GABRA4: variants seen among roughly 807,000 people sequenced by gnomAD.
The protein encoded by GABRA4 is gamma-aminobutyric acid receptor subunit alpha-4.
Under a neutral mutation model 49.7 loss-of-function variants are expected in GABRA4, and 12 were observed. The ratio of observed to expected loss-of-function variants is 0.24; its 90% CI spans 0.15 to 0.39. GABRA4 has a LOEUF of 0.39. Ranked by LOEUF, GABRA4 falls within the 10% of genes least tolerant of loss-of-function variation. The pLI is 1.00. For synonymous variants in GABRA4, 288 were observed against 240.2 expected (o/e 1.20, Z -1.84); for missense variants, 506 against 686.0 (o/e 0.74, Z 2.93).
rs1560459205 is a variant in GABRA4, at chr4:46,927,121, A to C, written c.*1104T>G. 6.6e-6 allele frequency: 1 copy of C among 151,928 alleles called. No homozygotes were observed. Among genetic ancestry groups the C allele is most frequent in the African/African-American group, 2.4e-5 (1 of 41,404 alleles). 9.4% of individuals were successfully genotyped at this position (151,928 alleles called of 1,614,324 possible). On this transcript the variant is annotated 3_prime_UTR_variant, in exon 9 of 9. Coordinates refer to ENST00000264318, the MANE Select transcript of GABRA4 (RefSeq NM_000809.4). ...GATTCTGATCAAATTCTACTCTGTG[A>C]CTCTGATCAAATTTGCGACAGTTAA... is the stretch of plus-strand genomic sequence containing the variant.
At chr4:46,970,051 AC>A (rs1349226646) in intron 7 of GABRA4, among the ~76,000 whole-genome samples, 2 of 151,272 alleles carry the variant, frequency 1.3e-5, no homozygotes, top group South Asian at 2.1e-4. Flanking sequence ...TCTTAGAGAA[AC>A]CTAAGATTAA....
At chr4:46,992,127 A>G (rs1347374222) in intron 2 of GABRA4, among the ~76,000 whole-genome samples, 1 of 152,196 alleles carries the variant, frequency 6.6e-6, no homozygotes, top group African/African-American at 2.4e-5. Context: ...GATTTCCATT[A>G]TATATGCAAA....
rs562187973 is a variant in GABRA4 at position 46,941,493 on chromosome 4, T to TA, written c.1135-12739dup. Among the ~76,000 whole-genome samples, 45 of 152,238 alleles carry TA rather than the reference T, an allele frequency of 3.0e-4. No individual in the cohort carries two copies. The East Asian group carries it at 8.7e-3, about 29-fold the overall frequency. On this transcript the variant is annotated intron_variant, in intron 8 of 8. Transcript: ENST00000264318. ...CTTAACACATTGCTCTAGCATATAG[T>TA]AAATGATCAATATTTGTTAAATGTT...
Position 46,970,415 on chromosome 4 carries a change from A to T in GABRA4, c.874+668T>A, listed in dbSNP as rs1253071748. On this transcript the variant is annotated intron_variant, in intron 7 of 8. Transcript: ENST00000264318. ...ACTAAAATAAATATAATTATAACAA[A>T]TTATACTATTTAAAAGCATGACTGA... 2.0e-5 allele frequency among the ~76,000 whole-genome samples: 3 copies of T among 151,512 alleles called. No individual in the cohort carries two copies. In the Admixed American group the frequency reaches 2.0e-4, roughly 10 times the overall value.
chr4:46,931,706 C>T (rs1300513721), intron 8 of GABRA4, among the ~76,000 whole-genome samples: 1 of 152,106 alleles, frequency 6.6e-6, no homozygotes, highest in Non-Finnish European at 1.5e-5. Flanking sequence ...TTAACCTCAA[C>T]AGTTCTTACT....
intron 8 of GABRA4, among the ~76,000 whole-genome samples, chr4:46,944,037 G>A (rs1184317657): frequency 1.3e-5 from 2 of 151,996 alleles, no homozygotes; most frequent in African/African-American, 2.4e-5. Context: ...TGTAACATGA[G>A]TAAATTCTAG....
intron 7 of GABRA4, among the ~76,000 whole-genome samples, chr4:46,966,612 T>C (rs1201511405): frequency 2.0e-5 from 3 of 151,718 alleles, no homozygotes; most frequent in Non-Finnish European, 4.4e-5. Context: ...CACATGGTGC[T>C]AGGCACAAGA....
intron 8 of GABRA4, among the ~76,000 whole-genome samples, chr4:46,939,526 G>A (rs1418219251): frequency 1.3e-5 from 2 of 151,936 alleles, no homozygotes; most frequent in African/African-American, 4.8e-5. Context: ...CAATTAAAAT[G>A]TGTTATTCAT....
At chr4:46,930,000 A>C (rs1461625120) in intron 8 of GABRA4, among the ~76,000 whole-genome samples, 1 of 152,120 alleles carries the variant, frequency 6.6e-6, no homozygotes, top group East Asian at 1.9e-4. Flanking sequence ...TTTATTCTAC[A>C]AATGTATTCT....
At chr4:46,949,301 C>T (rs1722083222) in intron 8 of GABRA4, among the ~76,000 whole-genome samples, 1 of 152,076 alleles carries the variant, frequency 6.6e-6, no homozygotes, top group Admixed American at 6.6e-5. Flanking sequence ...ATTACAGTCA[C>T]ATATATCTAG....
chr4:46,937,924 T>G (rs1286119638), intron 8 of GABRA4, among the ~76,000 whole-genome samples: 1 of 152,174 alleles, frequency 6.6e-6, no homozygotes, highest in African/African-American at 2.4e-5. Flanking sequence ...TGAGTGATTA[T>G]GACTCACTCA....
intron 8 of GABRA4, among the ~76,000 whole-genome samples, chr4:46,939,531 A>T (rs539932989): frequency 1.8e-4 from 27 of 152,046 alleles, no homozygotes; most frequent in Non-Finnish European, 3.2e-4. Context: ...AAAATGTGTT[A>T]TTCATTATTT....
intron 1 of GABRA4, 109 bp downstream of exon 1, chr4:46,993,230 G>T: frequency 1.0e-6 from 1 of 955,136 alleles, no homozygotes; most frequent in Non-Finnish European, 1.7e-6. Context: ...TTACAGCTGA[G>T]ATAAGAAGAC....
chr4:46,942,341 T>C (rs1359147745), intron 8 of GABRA4, among the ~76,000 whole-genome samples: 1 of 152,136 alleles, frequency 6.6e-6, no homozygotes, highest in African/African-American at 2.4e-5. Flanking sequence ...TTTTAACTCA[T>C]TGTTACTTGA....
chr4:46,992,165 A>T (rs1383472271), intron 2 of GABRA4, among the ~76,000 whole-genome samples: 2 of 152,262 alleles, frequency 1.3e-5, no homozygotes, highest in Non-Finnish European at 2.9e-5. Context: ...AAACAGCAAC[A>T]GTGCTGTTAA....
intron 2 of GABRA4, among the ~76,000 whole-genome samples, chr4:46,987,704 TATTCCAAGCAACCATCAACTTAAGAG>T (rs1438833499): frequency 2.0e-5 from 3 of 152,216 alleles, no homozygotes; most frequent in Admixed American, 6.5e-5. Context: ...TCTGCCACCT[TATTCCAAGCAACCATCAACTTAAGAG>T]AACTAAAGCT....
At chr4:46,968,405 C>T (rs1198511177) in intron 7 of GABRA4, among the ~76,000 whole-genome samples, 3 of 151,194 alleles carry the variant, frequency 2.0e-5, no homozygotes, top group Non-Finnish European at 3.0e-5. Flanking sequence ...GCATCTTTAG[C>T]ACATATCCAT....
At chr4:46,978,294 A>G (rs1723215876) in intron 3 of GABRA4, among the ~76,000 whole-genome samples, 2 of 152,094 alleles carry the variant, frequency 1.3e-5, no homozygotes, top group African/African-American at 4.8e-5. Flanking sequence ...TTAGATCAAC[A>G]TGAAATACTA....
chr4:46,923,898 A>G lies in GABRA4; in HGVS notation c.*4327T>C, dbSNP rs534034787. 60 of 152,152 alleles carry G rather than the reference A, an allele frequency of 3.9e-4. No individual in the cohort carries two copies. The highest frequency in any genetic ancestry group is 1.4e-3 in the African/African-American group (57 of 41,530). The allele number at this position is 152,152 out of a possible 1,614,324, so 9.4% of individuals were successfully genotyped here. A position where few individuals can be genotyped will look rare whatever the true frequency, so the allele number is the denominator to read the frequency against. ...CCTGCATTCACCCTTACCTCCAAAC[A>G]CAGAACTAAGAATTTGTAGTAAGAG... On this transcript the variant is annotated 3_prime_UTR_variant, in exon 9 of 9. Coordinates refer to ENST00000264318, the MANE Select transcript of GABRA4 (RefSeq NM_000809.4).
Sources: gnomAD v4.1 joint callset for allele counts (sites outside exome capture counted in the v4.1 genomes callset) on GRCh38, gnomAD v4.1.1 for gene constraint, MANE v1.5 for transcripts, NCBI Gene and HGNC (gene_info 2026-07-23, HGNC 2026-07-21) for gene names.